The following ZEB2 variants were observed in gnomAD, a reference collection of about 807,000 sequenced individuals.
ZEB2 encodes the protein zinc finger E-box-binding homeobox 2.
Under a neutral mutation model 99.9 loss-of-function variants are expected in ZEB2, and 6 were observed. The observed-to-expected ratio is 0.06, with a 90% confidence interval of 0.03 to 0.12. The LOEUF is 0.12. ZEB2 is among the 10% of genes least tolerant of loss of function. ZEB2 has a pLI of 1.00. For synonymous variants in ZEB2, 517 were observed against 542.5 expected (o/e 0.95, Z 0.65); for missense variants, 969 against 1,502.8 (o/e 0.64, Z 5.87).
At chr2:144,428,706 T>C (rs971916021) in intron 3 of ZEB2, 26 of 152,208 alleles carry the variant, frequency 1.7e-4, no homozygotes, top group Non-Finnish European at 1.5e-5. Flanking sequence ...GAAGTGCTTT[T>C]ATTATCCTCC....
At chr2:144,434,484 G>A (rs1036917918) in intron 2 of ZEB2, among the ~76,000 whole-genome samples, 7 of 152,170 alleles carry the variant, frequency 4.6e-5, no homozygotes, top group African/African-American at 9.6e-5. Context: ...CGTACAGCTA[G>A]TTGGTAGCAA....
intron 4 of ZEB2, among the ~76,000 whole-genome samples, chr2:144,422,587 G>A (rs1394652299): frequency 1.3e-5 from 2 of 152,212 alleles, no homozygotes; most frequent in Non-Finnish European, 2.9e-5. Flanking sequence ...ATCACCTGAG[G>A]TCATGAGTTC....
intron 2 of ZEB2, among the ~76,000 whole-genome samples, chr2:144,506,107 C>G (rs191784066): frequency 6.6e-6 from 1 of 152,130 alleles, no homozygotes; most frequent in Non-Finnish European, 1.5e-5. Context: ...GTGTAAGTTT[C>G]GTAAGAATCA....
chr2:144,412,462 G>A (rs1225998165), intron 4 of ZEB2, among the ~76,000 whole-genome samples: 1 of 152,208 alleles, frequency 6.6e-6, no homozygotes, highest in Non-Finnish European at 1.5e-5. Context: ...GTAGAGACAC[G>A]TGAAACCTAA....
intron 2 of ZEB2, among the ~76,000 whole-genome samples, chr2:144,458,955 T>G (rs545023227): frequency 4.6e-5 from 7 of 152,312 alleles, no homozygotes; most frequent in Admixed American, 3.9e-4. Context: ...CTTGCAATAT[T>G]TTTTGAATGA....
intron 4 of ZEB2, among the ~76,000 whole-genome samples, chr2:144,423,791 A>G (rs1484854384): frequency 6.6e-6 from 1 of 152,230 alleles, no homozygotes; most frequent in Non-Finnish European, 1.5e-5. Flanking sequence ...TTAAACAGAA[A>G]CACAACATGA....
intron 4 of ZEB2, among the ~76,000 whole-genome samples, chr2:144,421,195 G>T (rs1192629828): frequency 6.6e-6 from 1 of 152,284 alleles, no homozygotes; most frequent in Non-Finnish European, 1.5e-5. Context: ...GACACACTTT[G>T]TGATGGAGAC....
chr2:144,511,529 T>C, intron 2 of ZEB2: 1 of 1,281,284 alleles, frequency 7.8e-7, no homozygotes, highest in African/African-American at 1.5e-5. Context: ...GCCTACTGAT[T>C]ATTATCGTTT....
chr2:144,467,687 C>G (rs1230615952), intron 2 of ZEB2, among the ~76,000 whole-genome samples: 2 of 152,120 alleles, frequency 1.3e-5, no homozygotes, highest in Non-Finnish European at 2.9e-5. Context: ...CAGTATCTAC[C>G]ACAGGCATCA....
At chr2:144,397,295 A>G (rs1703242613) in intron 8 of ZEB2, among the ~76,000 whole-genome samples, 1 of 152,198 alleles carries the variant, frequency 6.6e-6, no homozygotes, top group Non-Finnish European at 1.5e-5. Context: ...GTTTTCTTAG[A>G]CTATGTTTGT....
chr2:144,483,735 G>C (rs1489286384), intron 2 of ZEB2, among the ~76,000 whole-genome samples: 1 of 152,158 alleles, frequency 6.6e-6, no homozygotes, highest in Non-Finnish European at 1.5e-5. Context: ...AGGTAATAGT[G>C]AGTCAGGAGC....
intron 2 of ZEB2, among the ~76,000 whole-genome samples, chr2:144,464,539 G>C (rs141032712): frequency 6.6e-6 from 1 of 152,192 alleles, no homozygotes; most frequent in East Asian, 1.9e-4. Flanking sequence ...CATTAGCTCA[G>C]CTATAAAAGG....
chr2:144,470,747 C>T (rs1430085169), intron 2 of ZEB2, among the ~76,000 whole-genome samples: 15 of 152,058 alleles, frequency 9.9e-5, no homozygotes, highest in African/African-American at 3.6e-4. Flanking sequence ...TTTCCTAGAG[C>T]CTGGGTTGTG....
chr2:144,441,724 CT>C, intron 2 of ZEB2, among the ~76,000 whole-genome samples: 1 of 152,180 alleles, frequency 6.6e-6, no homozygotes, highest in South Asian at 2.1e-4. Flanking sequence ...ACCTTTTTCT[CT>C]GTTAGCTTCT....
chr2:144,447,166 T>C (rs192050615), intron 2 of ZEB2, among the ~76,000 whole-genome samples: 300 of 152,314 alleles, frequency 2.0e-3, no homozygotes, highest in Non-Finnish European at 3.0e-3. Flanking sequence ...CCCAGTTCTG[T>C]TTTACACGCA....
chr2:144,508,000 A>T (rs1193164089), intron 2 of ZEB2, among the ~76,000 whole-genome samples: 1 of 152,218 alleles, frequency 6.6e-6, no homozygotes, highest in Non-Finnish European at 1.5e-5. Context: ...CAGCCCCCAA[A>T]CTGTGACCTG....
chr2:144,463,838 A>G (rs1704231174), intron 2 of ZEB2: 1 of 123,882 alleles, frequency 8.1e-6, no homozygotes, highest in South Asian at 2.4e-4. Context: ...GTCTCAAAAA[A>G]CAAAAAACAA....
At chr2:144,422,846 A>T (rs1391722434) in intron 4 of ZEB2, among the ~76,000 whole-genome samples, 1 of 152,098 alleles carries the variant, frequency 6.6e-6, no homozygotes, top group Non-Finnish European at 1.5e-5. Flanking sequence ...AAACTAAATA[A>T]TTATGGCTCC....
chr2:144,475,210 T>A (rs1290798726), intron 2 of ZEB2, among the ~76,000 whole-genome samples: 1 of 152,188 alleles, frequency 6.6e-6, no homozygotes, highest in African/African-American at 2.4e-5. Context: ...TTATGCGTTC[T>A]CACATAGGCC....
Sources: allele counts gnomAD v4.1 joint callset (sites outside exome capture counted in the v4.1 genomes callset), GRCh38; gene constraint gnomAD v4.1.1; transcripts MANE v1.5; gene names NCBI Gene and HGNC (gene_info 2026-07-23, HGNC 2026-07-21).